Variants in PCDHA8 observed in about 807,000 individuals in gnomAD.
The protein encoded by PCDHA8 is protocadherin alpha 8.
Under a neutral mutation model 61.8 loss-of-function variants are expected in PCDHA8, and 53 were observed. That is an observed-to-expected ratio of 0.86 (90% confidence interval 0.69 to 1.08). The LOEUF is 1.08. Ranked by LOEUF, PCDHA8 falls within the 50% of genes least tolerant of loss-of-function variation. The pLI is 0.00. For missense variants in PCDHA8, 1,293 were observed against 1,245.0 expected (o/e 1.04, Z -0.58); for synonymous variants, 618 against 556.6 (o/e 1.11, Z -1.55).
chr5:140,885,924 TTATC>T lies in PCDHA8; in HGVS notation c.2394+42213_2394+42216del, dbSNP rs554293197. Among the ~76,000 whole-genome samples the T allele has an allele frequency of 1.1e-3, 168 of 152,304 alleles. 1 individual carries two copies. The highest frequency in any genetic ancestry group is 9.9e-3 in the South Asian group (48 of 4,826). ...TCTGTACCTTATAGATATTAACTGT[TTATC>T]TATTTTTTGACATTTTTAATTAAAA... On this transcript the variant is annotated intron_variant, in intron 1 of 3. Coordinates refer to ENST00000531613, the MANE Select transcript of PCDHA8 (RefSeq NM_018911.3).
intron 1 of PCDHA8, among the ~76,000 whole-genome samples, chr5:140,921,194 A>T (rs187774850): frequency 1.3e-5 from 2 of 152,046 alleles, no homozygotes; most frequent in Admixed American, 1.3e-4. Context: ...TTCACAATAG[A>T]TTGACAACGA....
chr5:140,993,462 TCACACA>T (rs3836747), intron 3 of PCDHA8, among the ~76,000 whole-genome samples: 28,176 of 140,902 alleles, frequency 0.2, 2,920 homozygotes, highest in East Asian at 0.31. Flanking sequence ...TCTTTCTTTC[TCACACA>T]CACACACACA....
intron 1 of PCDHA8, among the ~76,000 whole-genome samples, chr5:140,910,278 A>G (rs1261965132): frequency 6.6e-6 from 1 of 151,132 alleles, no homozygotes; most frequent in Non-Finnish European, 1.5e-5. Flanking sequence ...TTCTAGGAAC[A>G]CCATGATTAA....
At chr5:140,850,538 G>A (rs2150488632) in intron 1 of PCDHA8, 3 of 1,598,364 alleles carry the variant, frequency 1.9e-6, no homozygotes, top group Non-Finnish European at 1.7e-6. Context: ...CATCGTCGCG[G>A]GCGTCAGTGG....
At chr5:140,926,692 C>T in intron 1 of PCDHA8, 1 of 737,896 alleles carries the variant, frequency 1.4e-6, no homozygotes, top group Non-Finnish European at 2.0e-6. Context: ...CCTAGCAAGC[C>T]CGGCTCCCAG....
intron 1 of PCDHA8, among the ~76,000 whole-genome samples, chr5:140,962,568 A>G (rs915587591): frequency 6.6e-6 from 1 of 152,222 alleles, no homozygotes; most frequent in Non-Finnish European, 1.5e-5. Context: ...CTAAAAGCCA[A>G]TTGTTAATGC....
chr5:140,872,861 C>T (rs1554166414), intron 1 of PCDHA8, among the ~76,000 whole-genome samples: 1 of 152,182 alleles, frequency 6.6e-6, no homozygotes, highest in African/African-American at 2.4e-5. Context: ...TGAGTACCTA[C>T]TGACAATTAT....
intron 1 of PCDHA8, among the ~76,000 whole-genome samples, chr5:140,941,255 C>CTTTCTTTCTTTCTT (rs782490896): frequency 4.1e-3 from 183 of 44,496 alleles, no homozygotes; most frequent in African/African-American, 4.7e-3. Context: ...TTCTTTCTTT[C>CTTTCTTTCTTTCTT]TCTTTCTTTC....
At chr5:140,983,408 A>C (rs1554245369) in intron 3 of PCDHA8, among the ~76,000 whole-genome samples, 1 of 152,208 alleles carries the variant, frequency 6.6e-6, no homozygotes, top group East Asian at 1.9e-4. Context: ...GGGAAGATTA[A>C]GTGTTGGTAG....
rs2150361131 is a variant in PCDHA8 at position 140,843,487 on chromosome 5, G to A, written c.2166G>A (p.Arg722=). 2 of 1,596,050 alleles carry A rather than the reference G, an allele frequency of 1.3e-6. No homozygotes were observed. The highest frequency in any genetic ancestry group is 1.7e-5 in the Admixed American group (1 of 59,316). Residue 722 remains arginine, a synonymous_variant, in exon 1 of 4, where the codon CGG becomes CGA. Transcript: ENST00000531613. ...VLTLLLYTAL[R]CSALPTEGGC... ...CGCTGCTGCTGTACACTGCGCTGCGGTGCTCAGCACTGCCCACTGAGGGCG... is the reference window on the plus strand; with the variant it reads ...CGCTGCTGCTGTACACTGCGCTGCGATGCTCAGCACTGCCCACTGAGGGCG...
At chr5:140,870,346 G>A in intron 1 of PCDHA8, 5 of 1,614,236 alleles carry the variant, frequency 3.1e-6, no homozygotes, top group Non-Finnish European at 4.2e-6. Context: ...CCTGGACCGC[G>A]AGAACGTGTG....
At chr5:140,884,252 A>T (rs782059444) in intron 1 of PCDHA8, 36 of 1,613,334 alleles carry the variant, frequency 2.2e-5, no homozygotes, top group Non-Finnish European at 2.9e-5. Context: ...GCTGACGGCC[A>T]CGGCAACGGT....
chr5:140,877,634 T>C, intron 1 of PCDHA8: 1 of 1,613,738 alleles, frequency 6.2e-7, no homozygotes, highest in Non-Finnish European at 8.5e-7. Context: ...TACACTGCGC[T>C]GCGTTGCTCA....
chr5:140,876,961 C>G (rs782051302), intron 1 of PCDHA8: 16 of 1,613,036 alleles, frequency 9.9e-6, no homozygotes, highest in South Asian at 8.8e-5. Context: ...GCTGGTGGAG[C>G]GGCGGGTGGG....
rs782362205 is a variant in PCDHA8 at position 141,009,960 on chromosome 5, A to G, written c.*23A>G. The G allele has an allele frequency of 6.3e-7, 1 of 1,589,232 alleles. No homozygotes were observed. The highest frequency in any genetic ancestry group is 2.2e-5 in the East Asian group (1 of 44,694). On this transcript the variant is annotated 3_prime_UTR_variant, in exon 4 of 4. Transcript: ENST00000531613. The stretch of plus-strand genomic sequence containing the variant: ...TGAGGTCCTCAAATGGAAACAAGCC[A>G]CTTAGCCAGTTTTTGTAATAATGGC...
chr5:140,949,764 G>A (rs1168507534), intron 1 of PCDHA8, among the ~76,000 whole-genome samples: 2 of 151,746 alleles, frequency 1.3e-5, no homozygotes, highest in African/African-American at 2.4e-5. Flanking sequence ...TCACATTAGT[G>A]TAATATTTGA....
intron 1 of PCDHA8, among the ~76,000 whole-genome samples, chr5:140,933,323 T>C (rs935740276): frequency 6.6e-6 from 1 of 152,016 alleles, no homozygotes; most frequent in Admixed American, 6.6e-5. Flanking sequence ...CGTATTCTCC[T>C]GTGCTGTAGA....
At chr5:140,885,798 T>C (rs1269362409) in intron 1 of PCDHA8, among the ~76,000 whole-genome samples, 1 of 152,186 alleles carries the variant, frequency 6.6e-6, no homozygotes, top group East Asian at 1.9e-4. Context: ...TTGTCATATG[T>C]ATTTTGTTGA....
At chr5:140,940,599 C>T (rs1356432549) in intron 1 of PCDHA8, among the ~76,000 whole-genome samples, 2 of 151,918 alleles carry the variant, frequency 1.3e-5, no homozygotes, top group African/African-American at 4.8e-5. Context: ...AGGCATGAGC[C>T]GCTGCTCCTG....
Sources: allele counts gnomAD v4.1 joint callset (sites outside exome capture counted in the v4.1 genomes callset), GRCh38; gene constraint gnomAD v4.1.1; transcripts MANE v1.5; gene names NCBI Gene and HGNC (gene_info 2026-07-23, HGNC 2026-07-21).